The following DCTD variants were observed in gnomAD, a reference collection of about 807,000 sequenced individuals.
DCTD encodes deoxycytidylate deaminase.
A neutral mutation model predicts 21.0 loss-of-function variants in DCTD; 23 were observed. That is an observed-to-expected ratio of 1.09 (90% CI 0.79 to 1.55). DCTD has a LOEUF of 1.55. Among genes scored for constraint, DCTD ranks in the 40% most tolerant of loss-of-function variants. The pLI is 0.00. For synonymous variants in DCTD, 71 were observed against 81.1 expected (o/e 0.88, Z 0.67); for missense variants, 224 against 230.0 (o/e 0.97, Z 0.17).
Position 182,917,291 on chromosome 4 carries a change from C to A in DCTD, c.-8+20G>T, listed in dbSNP as rs1236285284. ...TAGGGGCGCGCGGGCCGCGTACCCG[C>A]ACGGCTGGCCCCCGCCCACCATCCG... On this transcript the variant is annotated intron_variant, in intron 1 of 5. Coordinates refer to ENST00000438320, the MANE Select transcript of DCTD (RefSeq NM_001921.3). This position sits in a 1 kb window ranked among gnomAD's most constrained non-coding sequence, Gnocchi z 4.9. 5.4e-5 allele frequency: 57 copies of A among 1,060,448 alleles called. No homozygotes were observed. Among genetic ancestry groups the A allele is most frequent in the Non-Finnish European group, 6.1e-5 (54 of 880,192 alleles). The allele number at this position is 1,060,448 out of a possible 1,614,324, so 65.7% of individuals were successfully genotyped here.
chr4:182,908,583 T>A (rs1488420988), intron 3 of DCTD, among the ~76,000 whole-genome samples: 1 of 148,716 alleles, frequency 6.7e-6, no homozygotes, highest in Non-Finnish European at 1.5e-5. Context: ...ACTCCGAGGC[T>A]GAAGCAGGAG....
intron 3 of DCTD, among the ~76,000 whole-genome samples, chr4:182,913,438 C>T (rs1464845896): frequency 1.3e-5 from 2 of 152,216 alleles, no homozygotes; most frequent in African/African-American, 2.4e-5. Flanking sequence ...TTCTTTCAAA[C>T]ATGGAGAAGT....
intron 3 of DCTD, among the ~76,000 whole-genome samples, chr4:182,897,462 G>A (rs948188117): frequency 6.7e-6 from 1 of 150,100 alleles, no homozygotes; most frequent in Non-Finnish European, 1.5e-5. Context: ...TGAATAACTG[G>A]AATCTGCATT....
intron 3 of DCTD, among the ~76,000 whole-genome samples, chr4:182,900,251 G>T (rs889631587): frequency 1.3e-5 from 2 of 152,128 alleles, no homozygotes; most frequent in Admixed American, 1.3e-4. Context: ...AGGAGGTCAA[G>T]GCTGCAGTGA....
chr4:182,896,024 A>G (rs1055601089), intron 3 of DCTD, among the ~76,000 whole-genome samples: 4 of 152,242 alleles, frequency 2.6e-5, no homozygotes, highest in African/African-American at 9.6e-5. Flanking sequence ...CACATCACAC[A>G]AGCCACCTAG....
At chr4:182,916,805 T>C in intron 1 of DCTD, 1 of 1,113,754 alleles carries the variant, frequency 9.0e-7, no homozygotes, top group Non-Finnish European at 1.1e-6. Context: ...CCTGGGCGCC[T>C]TCTCCTGGTG....
chr4:182,897,069 C>A (rs72687807), intron 3 of DCTD, among the ~76,000 whole-genome samples: 21,581 of 152,164 alleles, frequency 0.14, 2,967 homozygotes, highest in African/African-American at 0.36. Flanking sequence ...CGCTCACTGC[C>A]ATGAGCTTCC....
intron 5 of DCTD, among the ~76,000 whole-genome samples, chr4:182,892,534 C>A (rs1733961708): frequency 6.6e-6 from 1 of 151,958 alleles, no homozygotes; most frequent in South Asian, 2.1e-4. Context: ...GAGGCTGAGG[C>A]AGGAGAACCG....
rs767475073 is a variant in DCTD, at chr4:182,895,985, G to A, written c.245-1380C>T. Among the ~76,000 whole-genome samples the A allele has an allele frequency of 8.0e-4, 122 of 152,174 alleles. 2 individuals are homozygous for A. Among genetic ancestry groups the A allele is most frequent in the Non-Finnish European group, 1.0e-3 (68 of 68,040 alleles). On this transcript the variant is annotated intron_variant, in intron 3 of 5. Transcript: ENST00000438320. ...GTGCTAAAATAAATATTTGTCAAAC[G>A]AGTTAATGAATGACATCCGGCCATG...
rs1733543770 is a variant in DCTD, at chr4:182,890,392, AG to A, written c.*1006del. ...AGGTGAAAGCATGGAGCCAGGGCAC[AG>A]AAGAGCTCCGAACACCAACAGTGCT... On this transcript the variant is annotated 3_prime_UTR_variant, in exon 6 of 6. Coordinates refer to ENST00000438320, the MANE Select transcript of DCTD (RefSeq NM_001921.3). The A allele has an allele frequency of 6.6e-6, 1 of 152,264 alleles. No individual in the cohort carries two copies. The highest frequency in any genetic ancestry group is 2.1e-4 in the South Asian group (1 of 4,832). The allele number at this position is 152,264 out of a possible 1,614,324, so 9.4% of individuals were successfully genotyped here. A position where few individuals can be genotyped will look rare whatever the true frequency, so the allele number is the denominator to read the frequency against.
At chr4:182,902,907 C>T (rs938405443) in intron 3 of DCTD, among the ~76,000 whole-genome samples, 3 of 152,184 alleles carry the variant, frequency 2.0e-5, no homozygotes, top group Non-Finnish European at 4.4e-5. Context: ...GCACTGCTCG[C>T]AGGTGCAAGG....
At chr4:182,903,747 C>T (rs1273304450) in intron 3 of DCTD, among the ~76,000 whole-genome samples, 1 of 152,092 alleles carries the variant, frequency 6.6e-6, no homozygotes, top group Non-Finnish European at 1.5e-5. Flanking sequence ...TCCGCTCCTG[C>T]AACAATGCAC....
chr4:182,917,489 G>GGGA (rs962105255), upstream of DCTD: 4 of 304,022 alleles, frequency 1.3e-5, no homozygotes, highest in African/African-American at 9.1e-5. This position sits in a 1 kb window ranked among gnomAD's most constrained non-coding sequence, Gnocchi z 4.9. Context: ...AGGGGAGGGA[G>GGGA]GGAGGGACGG....
chr4:182,891,995 G>A (rs1466793325), intron 5 of DCTD, among the ~76,000 whole-genome samples: 1 of 108,068 alleles, frequency 9.3e-6, no homozygotes, highest in Non-Finnish European at 1.8e-5. Context: ...CTTTTCACTT[G>A]TTCCTCATTT....
chr4:182,902,189 C>T (rs1454431982), intron 3 of DCTD, among the ~76,000 whole-genome samples: 8 of 152,158 alleles, frequency 5.3e-5, no homozygotes, highest in Non-Finnish European at 1.0e-4. Flanking sequence ...GGAATAGCCG[C>T]GACAGTTAAG....
intron 3 of DCTD, among the ~76,000 whole-genome samples, chr4:182,914,414 T>C (rs1738314909): frequency 1.3e-5 from 2 of 152,242 alleles, no homozygotes; most frequent in South Asian, 4.1e-4. Context: ...AGTTCACAGT[T>C]TGATTCCTGC....
intron 3 of DCTD, among the ~76,000 whole-genome samples, chr4:182,903,344 A>G (rs1736088184): frequency 3.9e-5 from 6 of 152,164 alleles, no homozygotes; most frequent in Admixed American, 3.9e-4. Context: ...CCCCCAGCCC[A>G]GCCCCAGGCA....
rs573763590 is a variant in DCTD, at chr4:182,907,286, C to A, written c.244+7637G>T. 2.6e-5 allele frequency among the ~76,000 whole-genome samples: 4 copies of A among 152,256 alleles called. No homozygotes were observed. In the South Asian group the frequency reaches 6.2e-4, roughly 24 times the overall value. On this transcript the variant is annotated intron_variant, in intron 3 of 5. Coordinates refer to ENST00000438320, the MANE Select transcript of DCTD (RefSeq NM_001921.3). The stretch of plus-strand genomic sequence containing the variant: ...TGGAGTAGCTGGGGCTACAGCTGCA[C>A]GCCACAACACCCGGCTAATTTTTGT...
intron 3 of DCTD, among the ~76,000 whole-genome samples, chr4:182,912,716 G>A (rs1036554801): frequency 2.6e-5 from 4 of 152,200 alleles, no homozygotes; most frequent in Admixed American, 2.6e-4. Context: ...AGTCAGGAGA[G>A]CTGGGAAGTC....
Sources: allele counts gnomAD v4.1 joint callset (sites outside exome capture counted in the v4.1 genomes callset), GRCh38; gene constraint gnomAD v4.1.1; non-coding constraint Gnocchi (gnomAD v3.1); transcripts MANE v1.5; gene names NCBI Gene and HGNC (gene_info 2026-07-23, HGNC 2026-07-21).